Variants in PLCH1 observed in about 807,000 individuals in gnomAD.
The protein encoded by PLCH1 is phospholipase C eta 1.
PLCH1 carries 60 observed loss-of-function variants against 126.7 expected under a neutral mutation model. The observed-to-expected ratio is 0.47, with a 90% CI of 0.38 to 0.59. PLCH1 has a LOEUF of 0.59. PLCH1 is among the 20% of genes least tolerant of loss of function. PLCH1 has a pLI of 0.00. For missense variants in PLCH1, 1,723 were observed against 2,040.0 expected (o/e 0.84, Z 2.99); for synonymous variants, 719 against 734.9 (o/e 0.98, Z 0.35).
intron 2 of PLCH1, among the ~76,000 whole-genome samples, chr3:155,695,610 C>T: frequency 6.6e-6 from 1 of 152,256 alleles, no homozygotes; most frequent in East Asian, 1.9e-4. Flanking sequence ...GAAGTCAGAA[C>T]AGTCTCTGCT....
intron 8 of PLCH1, among the ~76,000 whole-genome samples, chr3:155,555,566 T>C (rs359553): frequency 0.67 from 101,179 of 152,050 alleles, 34,526 homozygotes; most frequent in Middle Eastern, 0.79. Context: ...TTTGAAGTTT[T>C]ATTGTTAAAA....
At chr3:155,558,699 T>G (rs1461497678) in intron 8 of PLCH1, among the ~76,000 whole-genome samples, 1 of 152,218 alleles carries the variant, frequency 6.6e-6, no homozygotes, top group Non-Finnish European at 1.5e-5. Flanking sequence ...ATCACACTAC[T>G]TAGAATGGTA....
chr3:155,583,534 T>C lies in PLCH1; in HGVS notation c.709A>G (p.Ser237Gly). ...ACAGTTAGGTGATCTTTCTTGTCACTGTAGCTCAAAAGTAACAAATAAAGG... is the reference window on the plus strand; with the variant it reads ...ACAGTTAGGTGATCTTTCTTGTCACCGTAGCTCAAAAGTAACAAATAAAGG... The part of the protein sequence containing the change: ...RDLYLLLLSY[S>G]DKKDHLTVEE... Residue 237 changes from serine (S) to glycine (G), a missense_variant, in exon 6 of 23, where the codon AGT (serine) becomes GGT (glycine). Coordinates refer to ENST00000460012, the MANE Select transcript of PLCH1 (RefSeq NM_014996.4). 1 of 1,607,202 alleles carries C rather than the reference T, an allele frequency of 6.2e-7. No homozygotes were observed. The highest frequency in any genetic ancestry group is 8.5e-7 in the Non-Finnish European group (1 of 1,177,992).
chr3:155,550,069 C>A (rs576842796), intron 9 of PLCH1, 111 bp from the exon 10 acceptor site: 4 of 651,466 alleles, frequency 6.1e-6, no homozygotes, highest in South Asian at 2.7e-5. Flanking sequence ...ACAGTATTTG[C>A]GATACTGATG....
chr3:155,485,301 G>T, intron 22 of PLCH1, 55 bp downstream of exon 22: 1 of 1,080,192 alleles, frequency 9.3e-7, no homozygotes, highest in East Asian at 2.4e-5. Context: ...TGGTAAACAG[G>T]GACTGACATG....
intron 10 of PLCH1, among the ~76,000 whole-genome samples, chr3:155,532,234 G>A (rs887025021): frequency 1.3e-5 from 2 of 152,140 alleles, no homozygotes; most frequent in African/African-American, 2.4e-5. Flanking sequence ...GTGAAGACTC[G>A]CATCGTGAAC....
chr3:155,722,527 T>C (rs1309806741), intron 1 of PLCH1, among the ~76,000 whole-genome samples: 3 of 152,208 alleles, frequency 2.0e-5, no homozygotes, highest in Admixed American at 6.5e-5. Context: ...GTCTTAATCA[T>C]AAAAGAATGC....
intron 2 of PLCH1, among the ~76,000 whole-genome samples, chr3:155,599,942 A>G (rs1172382863): frequency 6.6e-6 from 1 of 152,224 alleles, no homozygotes; most frequent in Non-Finnish European, 1.5e-5. Flanking sequence ...GCATAAAATC[A>G]TATAAATCAT....
chr3:155,728,333 T>C (rs1340938608), intron 1 of PLCH1, among the ~76,000 whole-genome samples: 1 of 152,156 alleles, frequency 6.6e-6, no homozygotes, highest in Non-Finnish European at 1.5e-5. Context: ...CCTGCCACTT[T>C]GTAATAACTG....
rs752644183 is a variant in PLCH1, at chr3:155,482,179, G to T, written c.3847C>A (p.Leu1283Ile). ...GCCGCTGTCTTGGCCTTACTAGAAA[G>T]GTCATCATCTGGTTTGGTTTTAGAG... ...PISKTKPDDDLSSKAKTAALE... is the reference protein window; with the variant it reads ...PISKTKPDDDISSKAKTAALE... Residue 1283 changes from leucine (L) to isoleucine (I), a missense_variant, in exon 23 of 23, where the codon CTT becomes ATT. Transcript: ENST00000460012. 1.9e-6 allele frequency: 3 copies of T among 1,614,214 alleles called. No homozygotes were observed. The highest frequency in any genetic ancestry group is 1.1e-5 in the South Asian group (1 of 91,086).
chr3:155,717,311 A>G (rs1286149984), intron 1 of PLCH1, among the ~76,000 whole-genome samples: 3 of 152,234 alleles, frequency 2.0e-5, no homozygotes. Flanking sequence ...TCTGGAAGAC[A>G]GTTGGCCCCC....
chr3:155,545,929 T>G (rs1725200797), intron 10 of PLCH1, among the ~76,000 whole-genome samples: 1 of 152,062 alleles, frequency 6.6e-6, no homozygotes, highest in Admixed American at 6.6e-5. Flanking sequence ...ACAGCCAATA[T>G]CATACTGAAT....
intron 2 of PLCH1, among the ~76,000 whole-genome samples, chr3:155,617,012 G>A (rs1735877333): frequency 6.6e-6 from 1 of 151,964 alleles, no homozygotes; most frequent in African/African-American, 2.4e-5. Flanking sequence ...GGAAAACATT[G>A]TCAAGTATAA....
chr3:155,550,745 G>A (rs1010105803), intron 9 of PLCH1, among the ~76,000 whole-genome samples: 26 of 152,028 alleles, frequency 1.7e-4, no homozygotes, highest in Non-Finnish European at 2.5e-4. Context: ...CTAGTTTTCC[G>A]TTACATGTCT....
intron 1 of PLCH1, among the ~76,000 whole-genome samples, chr3:155,739,712 C>A (rs1749475569): frequency 6.6e-6 from 1 of 152,206 alleles, no homozygotes; most frequent in Non-Finnish European, 1.5e-5. Context: ...AACATGGAGG[C>A]AGACAGACGT....
At chr3:155,467,729 C>T (rs1336276154) in intron 21 of PLCH1, among the ~76,000 whole-genome samples, 2 of 152,124 alleles carry the variant, frequency 1.3e-5, no homozygotes, top group Admixed American at 6.6e-5. Flanking sequence ...GAAACTCTTA[C>T]CCTAAAATAG....
rs772222246 is a variant in PLCH1, at chr3:155,583,454, T to G, written c.771+18A>C. The G allele has an allele frequency of 6.4e-7, 1 of 1,558,118 alleles. No individual in the cohort carries two copies. The highest frequency in any genetic ancestry group is 1.2e-5 in the South Asian group (1 of 82,624). On this transcript the variant is annotated intron_variant, in intron 6 of 22. Transcript: ENST00000460012. ...GAGTACTTTTAAGTAAACTTTCATT[T>G]TAACAGTCTAATGATACCTTTTGCT... is the stretch of plus-strand genomic sequence containing the variant.
At chr3:155,727,971 C>G (rs1430177177) in intron 1 of PLCH1, among the ~76,000 whole-genome samples, 1 of 151,980 alleles carries the variant, frequency 6.6e-6, no homozygotes, top group Admixed American at 6.6e-5. Context: ...CCAAAAGGCC[C>G]CTTCTCAGAT....
intron 2 of PLCH1, among the ~76,000 whole-genome samples, chr3:155,615,488 T>C (rs1487413344): frequency 6.6e-6 from 1 of 152,174 alleles, no homozygotes; most frequent in Non-Finnish European, 1.5e-5. Flanking sequence ...TGCATACACA[T>C]GTTTACAGCA....
Sources: gnomAD v4.1 joint callset for allele counts (sites outside exome capture counted in the v4.1 genomes callset) on GRCh38, gnomAD v4.1.1 for gene constraint, MANE v1.5 for transcripts, NCBI Gene and HGNC (gene_info 2026-07-23, HGNC 2026-07-21) for gene names.